The following ACOX3 variants were observed in gnomAD, a reference collection of about 807,000 sequenced individuals.
ACOX3 encodes peroxisomal acyl-coenzyme A oxidase 3.
In ACOX3, 73 loss-of-function variants were observed where a neutral mutation model predicts 81.5. That is an observed-to-expected ratio of 0.90 (90% CI 0.74 to 1.09). The LOEUF (loss-of-function observed/expected upper bound fraction) is 1.09, where lower values mean the gene tolerates loss of function less well. Ranked by LOEUF, ACOX3 falls within the 50% of genes least tolerant of loss-of-function variation. The probability of loss-of-function intolerance (pLI) is 0.00; values close to 1 mark genes in which losing one functional copy is unlikely to be tolerated. For missense variants in ACOX3, 947 were observed against 928.0 expected (o/e 1.02, Z -0.27); for synonymous variants, 387 against 375.1 (o/e 1.03, Z -0.37).
intron 3 of ACOX3, 70 bp downstream of exon 3, chr4:8,415,696 G>C (rs1250808978): frequency 5.0e-6 from 7 of 1,397,868 alleles, no homozygotes; most frequent in South Asian, 1.2e-5. Flanking sequence ...GGTTGGCCCT[G>C]GGACAGGCAT....
At chr4:8,396,896 A>G in intron 9 of ACOX3, 41 bp downstream of exon 9, 1 of 1,589,498 alleles carries the variant, frequency 6.3e-7, no homozygotes, top group Non-Finnish European at 8.6e-7. Flanking sequence ...ATTTGCATAT[A>G]AAATAGAGAG....
At chr4:8,360,104 T>TTGACCTTG in the ACOX3 span, among the ~76,000 whole-genome samples, 4 of 152,232 alleles carry the variant, frequency 2.6e-5, no homozygotes, top group Admixed American at 2.0e-4. Context: ...TCTTGGGAGC[T>TTGACCTTG]TGACCTTGTA....
chr4:8,392,470 CCAA>C lies in ACOX3; in HGVS notation c.1180-20_1180-18del. On this transcript the variant is annotated intron_variant, in intron 10 of 17. Coordinates refer to ENST00000356406, the MANE Select transcript of ACOX3 (RefSeq NM_003501.3). ...AAGCTCTGCCTTTGGGTGAGGGAAT[CCAA>C]CAAGAACAGGTGAAAAGAGACTTTA... is the stretch of plus-strand genomic sequence containing the variant. 6.5e-7 allele frequency: 1 copy of C among 1,539,170 alleles called. No individual in the cohort carries two copies. Among genetic ancestry groups the C allele is most frequent in the Non-Finnish European group, 8.7e-7 (1 of 1,146,276 alleles).
intron 1 of ACOX3, among the ~76,000 whole-genome samples, chr4:8,429,894 T>G (rs372221500): frequency 6.6e-6 from 1 of 150,426 alleles, no homozygotes. Context: ...CTGGGCAACA[T>G]AGTGAGACTC....
Position 8,414,430 on chromosome 4 carries a change from C to T in ACOX3, c.454-49G>A. On this transcript the variant is annotated intron_variant, in intron 4 of 17. Coordinates refer to ENST00000356406, the MANE Select transcript of ACOX3 (RefSeq NM_003501.3). The surrounding 1 kb of genome is among the most constrained non-coding windows in gnomAD (Gnocchi z 6.1). ...TGGAAAGCAAGAAAAGTTCTTTGTG[C>T]ACATTCCCAGAAGGACCTCACTGCC... The T allele has an allele frequency of 6.5e-7, 1 of 1,531,676 alleles. No individual in the cohort carries two copies. The highest frequency in any genetic ancestry group is 9.0e-7 in the Non-Finnish European group (1 of 1,105,536). 94.9% of individuals were successfully genotyped at this position (1,531,676 alleles called of 1,614,324 possible).
chr4:8,415,018 C>A, intron 3 of ACOX3, 90 bp from the exon 4 acceptor site: 1 of 1,197,324 alleles, frequency 8.4e-7, no homozygotes, highest in Non-Finnish European at 1.2e-6. Flanking sequence ...GCACTCAACA[C>A]CATGCCCACG....
At position 8,367,043 on chromosome 4, in the gene ACOX3, C is replaced by T. The variant is rs772164928; in HGVS notation, c.2021G>A (p.Ser674Asn). ...KNLWGAVLQE[S>N]KVLERASWWP... ...CCAGGATGCCCGCTCCAACACCTTG[C>T]TTTCCTGCAGGACAGCGCCCCAGAG... The change falls in exon 18 of 18, where the codon AGC becomes AAC. Residue 674 changes from serine (S) to asparagine (N), a missense_variant. Transcript: ENST00000356406. The T allele has an allele frequency of 1.2e-5, 20 of 1,614,022 alleles. No homozygotes were observed. The highest frequency in any genetic ancestry group is 1.6e-5 in the Non-Finnish European group (19 of 1,180,016).
intron 5 of ACOX3, among the ~76,000 whole-genome samples, chr4:8,412,028 T>G (rs1162983584): frequency 6.6e-6 from 1 of 152,216 alleles, no homozygotes; most frequent in East Asian, 1.9e-4. Flanking sequence ...GGTCCTCTGA[T>G]GCCCCACCCC....
At chr4:8,434,172 C>T (rs938208616) in intron 1 of ACOX3, among the ~76,000 whole-genome samples, 1 of 152,174 alleles carries the variant, frequency 6.6e-6, no homozygotes, top group African/African-American at 2.4e-5. Context: ...ATCCATGTAG[C>T]CCCCAGTCAC....
At chr4:8,404,222 C>T (rs572625010) in intron 7 of ACOX3, among the ~76,000 whole-genome samples, 9 of 152,324 alleles carry the variant, frequency 5.9e-5, no homozygotes, top group Middle Eastern at 3.4e-3. Context: ...ACCTGCTACA[C>T]GGGCACCGTC....
rs570484389 is a variant in ACOX3, at chr4:8,385,863, C to A, written c.1537+3310G>T. Among the ~76,000 whole-genome samples, 1 of 152,338 alleles carries A rather than the reference C, an allele frequency of 6.6e-6. No homozygotes were observed. The highest frequency in any genetic ancestry group is 2.1e-4 in the South Asian group (1 of 4,830). ...GATCTGTGACCAAATGCCCTTGAGA[C>A]GATGGGGCTGGCAGAACCCACAAGC... On this transcript the variant is annotated intron_variant, in intron 13 of 17. Coordinates refer to ENST00000356406, the MANE Select transcript of ACOX3 (RefSeq NM_003501.3). The surrounding 1 kb of genome is among the most constrained non-coding windows in gnomAD (Gnocchi z 5.5).
chr4:8,414,483 A>G lies in ACOX3; in HGVS notation c.454-102T>C. ...CTTTCCTTTAAAGATGAAACCACAT[A>G]TCAAAGCCCCAAATTTCCATCTACC... is the stretch of plus-strand genomic sequence containing the variant. On this transcript the variant is annotated intron_variant, in intron 4 of 17. Coordinates refer to ENST00000356406, the MANE Select transcript of ACOX3 (RefSeq NM_003501.3). This position sits in a 1 kb window ranked among gnomAD's most constrained non-coding sequence, Gnocchi z 6.1. 2 of 1,073,734 alleles carry G rather than the reference A, an allele frequency of 1.9e-6. No individual in the cohort carries two copies. The highest frequency in any genetic ancestry group is 2.7e-5 in the South Asian group (2 of 74,160). The allele number at this position is 1,073,734 out of a possible 1,614,324, so 66.5% of individuals were successfully genotyped here. A position where few individuals can be genotyped will look rare whatever the true frequency, so the allele number is the denominator to read the frequency against.
At chr4:8,376,669 G>A (rs552554173) in intron 14 of ACOX3, among the ~76,000 whole-genome samples, 22 of 152,108 alleles carry the variant, frequency 1.4e-4, no homozygotes, top group Non-Finnish European at 2.9e-4. Flanking sequence ...CCGTCCTGTC[G>A]GTGCCAGGAA....
At chr4:8,420,243 CAA>C (rs1722791691) in intron 1 of ACOX3, among the ~76,000 whole-genome samples, 1 of 152,216 alleles carries the variant, frequency 6.6e-6, no homozygotes, top group Non-Finnish European at 1.5e-5. Context: ...CATTATGGTA[CAA>C]CTGTTAGAGA....
Position 8,407,539 on chromosome 4 carries a change from G to A in ACOX3, c.688-1496C>T, listed in dbSNP as rs531720639. Among the ~76,000 whole-genome samples the A allele has an allele frequency of 1.6e-3, 241 of 152,356 alleles. No homozygotes were observed. Among genetic ancestry groups the A allele is most frequent in the Non-Finnish European group, 2.4e-3 (161 of 68,038 alleles). Reference sequence around the variant, plus strand: ...CAGAGTTGGGAGAATACGTTATGCTGTTTCGAGCGCCCTGCTTTGTGGTGC... The same window carrying A: ...CAGAGTTGGGAGAATACGTTATGCTATTTCGAGCGCCCTGCTTTGTGGTGC... On this transcript the variant is annotated intron_variant, in intron 6 of 17. Transcript: ENST00000356406. The surrounding 1 kb of genome is among the most constrained non-coding windows in gnomAD (Gnocchi z 4.6).
chr4:8,394,437 G>C lies in ACOX3; in HGVS notation c.1179+183C>G, dbSNP rs761797248. Among the ~76,000 whole-genome samples the C allele has an allele frequency of 6.6e-6, 1 of 152,230 alleles. No homozygotes were observed. The highest frequency in any genetic ancestry group is 1.5e-5 in the Non-Finnish European group (1 of 68,044). On this transcript the variant is annotated intron_variant, in intron 10 of 17. Transcript: ENST00000356406. The surrounding 1 kb of genome is among the most constrained non-coding windows in gnomAD (Gnocchi z 5.9). ...ATCCTTGAGAGGCAGGGGTGTGGAC[G>C]CGTGCCCAGCCCGTTCAATCGCGGC...
At chr4:8,383,148 G>A (rs572158778) in intron 13 of ACOX3, among the ~76,000 whole-genome samples, 2 of 152,204 alleles carry the variant, frequency 1.3e-5, no homozygotes, top group East Asian at 3.9e-4. Flanking sequence ...CACGTCAGGC[G>A]GCTTGCCGGA....
Position 8,383,528 on chromosome 4 carries a change from A to G in ACOX3, c.1538-1921T>C, listed in dbSNP as rs116335717. ...CTGGCATGATGCACCCACAGCCAAG[A>G]ACTCCTGGAGCTGCCAGGAGCCTGG... On this transcript the variant is annotated intron_variant, in intron 13 of 17. Coordinates refer to ENST00000356406, the MANE Select transcript of ACOX3 (RefSeq NM_003501.3). Among the ~76,000 whole-genome samples the G allele has an allele frequency of 8.5e-3, 1,296 of 152,288 alleles. 16 individuals carry two copies. Among genetic ancestry groups the G allele is most frequent in the African/African-American group, 0.03 (1,240 of 41,562 alleles).
In ACOX3 at chr4:8,375,168, G is replaced by A. The variant is rs774556628; in HGVS notation, c.1654-16C>T. 3.9e-5 allele frequency: 60 copies of A among 1,520,550 alleles called. No homozygotes were observed. The African/African-American group carries it at 6.9e-4, about 17-fold the overall frequency. The allele number at this position is 1,520,550 out of a possible 1,614,324, so 94.2% of individuals were successfully genotyped here. On this transcript the variant is annotated splice_polypyrimidine_tract_variant and intron_variant, in intron 14 of 17. Coordinates refer to ENST00000356406, the MANE Select transcript of ACOX3 (RefSeq NM_003501.3). ...CGTGGGACACCTGGAACACAGGACG[G>A]CACCGTGAGGACCGTGAGGGTCCCA...
Sources: allele counts gnomAD v4.1 joint callset (sites outside exome capture counted in the v4.1 genomes callset), GRCh38; gene constraint gnomAD v4.1.1; non-coding constraint Gnocchi (gnomAD v3.1); transcripts MANE v1.5; gene names NCBI Gene and HGNC (gene_info 2026-07-23, HGNC 2026-07-21).